The following ZXDC variants were observed in gnomAD, a reference collection of about 807,000 sequenced individuals.
ZXDC encodes zinc finger protein ZXDC.
Under a neutral mutation model 63.6 loss-of-function variants are expected in ZXDC, and 58 were observed. The ratio of observed to expected loss-of-function variants is 0.91; its 90% CI spans 0.74 to 1.13. The LOEUF (loss-of-function observed/expected upper bound fraction) is 1.13. Among genes scored for constraint, ZXDC ranks in the 50% most tolerant of loss-of-function variants. The pLI, the probability that ZXDC is intolerant of heterozygous loss-of-function variation, is 0.00. For synonymous variants in ZXDC, 561 were observed against 496.1 expected (o/e 1.13, Z -1.74); for missense variants, 1,133 against 1,148.9 (o/e 0.99, Z 0.20).
At chr3:126,467,709 T>C (rs1376963422) in intron 4 of ZXDC, among the ~76,000 whole-genome samples, 1 of 152,220 alleles carries the variant, frequency 6.6e-6, no homozygotes. Flanking sequence ...GGCCCAGGAC[T>C]GCCCTGCAAG....
At chr3:126,465,343 C>T (rs1481034919) in intron 5 of ZXDC, among the ~76,000 whole-genome samples, 2 of 152,238 alleles carry the variant, frequency 1.3e-5, no homozygotes, top group South Asian at 2.1e-4. Context: ...GGGTAGGTTT[C>T]CTAGTCCCAT....
At chr3:126,453,392 C>T (rs2107638809) in intron 7 of ZXDC, 1 of 985,234 alleles carries the variant, frequency 1.0e-6, no homozygotes. Context: ...TAAGCTGTCA[C>T]ATTTAAGCAT....
intron 7 of ZXDC, chr3:126,454,956 T>C (rs1285930046): frequency 2.0e-6 from 2 of 985,356 alleles, no homozygotes; most frequent in African/African-American, 1.7e-5. Flanking sequence ...TCAAATGCTA[T>C]TGCTCAGACT....
chr3:126,471,584 G>A (rs927060537), intron 3 of ZXDC, among the ~76,000 whole-genome samples: 1 of 152,078 alleles, frequency 6.6e-6, no homozygotes. Context: ...TTGTTGGGAA[G>A]GTAGAAGACA....
At chr3:126,453,500 ACAT>A in intron 7 of ZXDC, 2 of 985,488 alleles carry the variant, frequency 2.0e-6, no homozygotes, top group Non-Finnish European at 2.4e-6. Flanking sequence ...ATACAGTAAT[ACAT>A]AATAGTTGGC....
rs201849932 is a variant in ZXDC, at chr3:126,438,338, G to T, written c.*37C>A. ...TGAGTCTCAGGGAAGGTGTGTCCTA[G>T]ACCGTGGCCTTGGGCCTGCCCAGGC... On this transcript the variant is annotated 3_prime_UTR_variant, in exon 10 of 10. Coordinates refer to ENST00000389709, the MANE Select transcript of ZXDC (RefSeq NM_025112.5). 1.0e-3 allele frequency: 1,583 copies of T among 1,568,786 alleles called. 2 individuals are homozygous for T. The highest frequency in any genetic ancestry group is 1.2e-3 in the Non-Finnish European group (1,410 of 1,148,638).
chr3:126,475,877 C>G lies in ZXDC; in HGVS notation c.-12G>C. On this transcript the variant is annotated 5_prime_UTR_variant, in exon 1 of 10. Coordinates refer to ENST00000389709, the MANE Select transcript of ZXDC (RefSeq NM_025112.5). ...GCCGGGAGGTCCATCTTGGTCCCAG[C>G]GACGGCGTCGGAGCAGCTTCGGACG... 7 of 1,074,086 alleles carry G rather than the reference C, an allele frequency of 6.5e-6. No individual in the cohort carries two copies. The highest frequency in any genetic ancestry group is 7.9e-6 in the Non-Finnish European group (7 of 887,882). The allele number at this position is 1,074,086 out of a possible 1,614,324, so 66.5% of individuals were successfully genotyped here. A position where few individuals can be genotyped will look rare whatever the true frequency, so the allele number is the denominator to read the frequency against.
chr3:126,442,869 AC>A (rs1933736578), intron 7 of ZXDC: 1 of 152,186 alleles, frequency 6.6e-6, no homozygotes, highest in African/African-American at 2.4e-5. Flanking sequence ...CAATTGGGTG[AC>A]CCTGCTGCCC....
intron 1 of ZXDC, among the ~76,000 whole-genome samples, chr3:126,473,796 TAGGCACACA>T (rs1560107239): frequency 6.6e-6 from 1 of 152,324 alleles, no homozygotes; most frequent in East Asian, 1.9e-4. Context: ...AGGGGCATGC[TAGGCACACA>T]TTCCAGTTTC....
chr3:126,462,152 T>G lies in ZXDC; in HGVS notation c.1510A>C (p.Ser504Arg). The G allele has an allele frequency of 6.2e-7, 1 of 1,612,674 alleles. No individual in the cohort carries two copies. The highest frequency in any genetic ancestry group is 2.2e-5 in the East Asian group (1 of 44,874). The change falls in exon 6 of 10, where the codon AGT becomes CGT. Residue 504 changes from serine to arginine, a missense_variant. Coordinates refer to ENST00000389709, the MANE Select transcript of ZXDC (RefSeq NM_025112.5). ...GCAAGATCCATGTTAGTGAGCTCAC[T>G]TTGGCCTGGGCTGCTGAGTTCACTG... ...PSSELSSPGQ[S>R]ELTNMDLAAL...
chr3:126,452,717 C>T (rs1039253639), intron 7 of ZXDC, among the ~76,000 whole-genome samples: 8 of 150,832 alleles, frequency 5.3e-5, no homozygotes, highest in Non-Finnish European at 1.0e-4. Context: ...CATCTATCTT[C>T]GTAAGAGTCA....
intron 1 of ZXDC, among the ~76,000 whole-genome samples, chr3:126,474,045 A>G (rs1047458866): frequency 9.9e-5 from 15 of 151,724 alleles, no homozygotes; most frequent in African/African-American, 3.6e-4. Flanking sequence ...CACACAGGAG[A>G]AAGAACAGGC....
intron 7 of ZXDC, chr3:126,450,449 G>C (rs1934056371): frequency 2.2e-6 from 1 of 456,624 alleles, no homozygotes; most frequent in Admixed American, 2.3e-5. Context: ...CACAGGGTAT[G>C]ACAAAGCCCC....
chr3:126,475,566 G>A lies in ZXDC; in HGVS notation c.300C>T (p.Ser100=), dbSNP rs1275474482. ...AAGSQEAEPG[S]RVNLASRPEQ... is the part of the protein sequence containing the mutation. ...CGGGGCGGCTCGCCAGGTTGACACGGGAGCCAGGCTCGGCCTCCTGTGATC... is the reference window on the plus strand; with the variant it reads ...CGGGGCGGCTCGCCAGGTTGACACGAGAGCCAGGCTCGGCCTCCTGTGATC... Residue 100 remains serine (S), a synonymous_variant, in exon 1 of 10, where the codon TCC becomes TCT. Transcript: ENST00000389709. 4.9e-6 allele frequency: 7 copies of A among 1,421,128 alleles called. No homozygotes were observed. Among genetic ancestry groups the A allele is most frequent in the Admixed American group, 2.3e-5 (1 of 42,738 alleles). 88.0% of individuals were successfully genotyped at this position (1,421,128 alleles called of 1,614,324 possible).
At chr3:126,447,381 T>TTAATTAATAGATATA (rs1933922211) in intron 7 of ZXDC, among the ~76,000 whole-genome samples, 1 of 152,374 alleles carries the variant, frequency 6.6e-6, no homozygotes, top group East Asian at 1.9e-4. Flanking sequence ...GGAAAATCTA[T>TTAATTAATAGATATA]TAATTTTATA....
At chr3:126,460,424 C>G in intron 6 of ZXDC, 1 of 973,486 alleles carries the variant, frequency 1.0e-6, no homozygotes, top group Non-Finnish European at 1.2e-6. Flanking sequence ...AGCGAGGTAG[C>G]CCAACGTCAC....
chr3:126,475,448 G>A lies in ZXDC; in HGVS notation c.418C>T (p.Leu140Phe), dbSNP rs1935165126. The change falls in exon 1 of 10, where the codon CTC (leucine) becomes TTC (phenylalanine). Residue 140 changes from leucine to phenylalanine, a missense_variant. Physicochemically the swap from Leu to Phe is conservative, Grantham distance 22. Transcript: ENST00000389709. ...GACAGCGCGAGGACGCCGCGGTCGAGACGCACCAGCAGGTCCTGGCTGCTG... is the reference window on the plus strand; with the variant it reads ...GACAGCGCGAGGACGCCGCGGTCGAAACGCACCAGCAGGTCCTGGCTGCTG... ...TISSQDLLVRLDRGVLALSAP... is the reference protein window; with the variant it reads ...TISSQDLLVRFDRGVLALSAP... 1 of 1,196,414 alleles carries A rather than the reference G, an allele frequency of 8.4e-7. No individual in the cohort carries two copies. Among genetic ancestry groups the A allele is most frequent in the Non-Finnish European group, 1.0e-6 (1 of 967,422 alleles). The allele number at this position is 1,196,414 out of a possible 1,614,324, so 74.1% of individuals were successfully genotyped here.
rs1164325978 is a variant in ZXDC at position 126,475,699 on chromosome 3, C to A, written c.167G>T (p.Gly56Val). The change falls in exon 1 of 10, where the codon GGG becomes GTG. Residue 56 changes from glycine (G) to valine (V), a missense_variant. Physicochemically the swap from Gly to Val is moderately radical, Grantham distance 109. Transcript: ENST00000389709. ...CGGCGGGCTTGGCCCGGAGGCCTCC[C>A]CGGGCCGCGCCCCGGGCCCGCCATC... ...PEDGGPGARP[G>V]EASGPSPPPA... 5.4e-6 allele frequency: 7 copies of A among 1,297,490 alleles called. No homozygotes were observed. The highest frequency in any genetic ancestry group is 6.8e-6 in the Non-Finnish European group (7 of 1,024,614). 80.4% of individuals were successfully genotyped at this position (1,297,490 alleles called of 1,614,324 possible).
At chr3:126,450,551 A>G (rs1259248335) in intron 7 of ZXDC, 1 of 456,536 alleles carries the variant, frequency 2.2e-6, no homozygotes. Context: ...GTGACTAGAA[A>G]TCTCTTCCAG....
Sources: gnomAD v4.1 joint callset for allele counts (sites outside exome capture counted in the v4.1 genomes callset) on GRCh38, gnomAD v4.1.1 for gene constraint, MANE v1.5 for transcripts, NCBI Gene and HGNC (gene_info 2026-07-23, HGNC 2026-07-21) for gene names.